Variants in ZNF487 observed in about 807,000 individuals in gnomAD.
ZNF487 encodes the protein zinc finger protein 487, also known as KRAB domain only 1.
ZNF487 carries 4 observed loss-of-function variants against 3.0 expected under a neutral mutation model. The observed-to-expected ratio is 1.35, with a 90% CI of 0.66 to 3.08. The LOEUF is 3.08. Among genes scored for constraint, ZNF487 ranks in the 30% most tolerant of loss-of-function variants. The pLI, the probability that ZNF487 is intolerant of heterozygous loss-of-function variation, is 0.01. For synonymous variants in ZNF487, 55 were observed against 34.6 expected (o/e 1.59, Z -2.06); for missense variants, 146 against 98.7 (o/e 1.48, Z -2.03).
chr10:43,446,632 G>A (rs12355127), intron 1 of ZNF487, among the ~76,000 whole-genome samples: 12,046 of 150,272 alleles, frequency 0.08, 667 homozygotes, highest in Non-Finnish European at 0.12. Flanking sequence ...CATCCTAGAC[G>A]ATGGGCGCCC....
chr10:43,498,148 G>T, the ZNF487 span, among the ~76,000 whole-genome samples: 1 of 56,070 alleles, frequency 1.8e-5, no homozygotes, highest in Non-Finnish European at 3.0e-5. Context: ...TTTTTTTTGA[G>T]ATGGAGTCTC....
chr10:43,463,574 T>TTG (rs1840517159), intron 1 of ZNF487, among the ~76,000 whole-genome samples: 1 of 150,612 alleles, frequency 6.6e-6, no homozygotes, highest in African/African-American at 2.4e-5. Context: ...TGGTGGAAAC[T>TTG]TGGTCTCACT....
At chr10:43,473,735 A>T (rs1195142193) in intron 1 of ZNF487, among the ~76,000 whole-genome samples, 1 of 152,018 alleles carries the variant, frequency 6.6e-6, no homozygotes, top group Non-Finnish European at 1.5e-5. Flanking sequence ...ACTTAAGTAC[A>T]ACAGCCAGGC....
downstream of ZNF487, among the ~76,000 whole-genome samples, chr10:43,485,071 C>T (rs143237154): frequency 3.7e-4 from 56 of 152,284 alleles, no homozygotes; most frequent in Admixed American, 1.2e-3. Context: ...AGCAGCAAGG[C>T]GGGCCAGATT....
intron 1 of ZNF487, among the ~76,000 whole-genome samples, chr10:43,459,594 C>T (rs1022696670): frequency 4.6e-5 from 7 of 151,900 alleles, no homozygotes; most frequent in Admixed American, 1.3e-4. Context: ...ATTTTTAAGT[C>T]AGGTCTCACT....
Position 43,453,498 on chromosome 10 carries a change from A to G in ZNF487, c.-94+16236A>G, listed in dbSNP as rs773206952. 2.0e-5 allele frequency: 3 copies of G among 152,240 alleles called. No individual in the cohort carries two copies. The South Asian group carries it at 6.2e-4, about 31-fold the overall frequency. 9.4% of individuals were successfully genotyped at this position (152,240 alleles called of 1,614,324 possible). A position where few individuals can be genotyped will look rare whatever the true frequency, so the allele number is the denominator to read the frequency against. On this transcript the variant is annotated intron_variant, in intron 1 of 3. Coordinates refer to ENST00000437590, the MANE Select transcript of ZNF487 (RefSeq NM_001355444.3). ...TCCTGGGAACACAGGCTATGCTACT[A>G]GAAGCCATGCCAATTTGTCTCTCAG... is the stretch of plus-strand genomic sequence containing the variant.
Position 43,481,994 on chromosome 10 carries a change from A to G in ZNF487, c.*72A>G. Reference sequence around the variant, plus strand: ...GTTCATCAGAGAACTCACATAAGGAAGAGTCACCATGAATTCAATGAATGT... The same window carrying G: ...GTTCATCAGAGAACTCACATAAGGAGGAGTCACCATGAATTCAATGAATGT... On this transcript the variant is annotated 3_prime_UTR_variant, in exon 4 of 4. Coordinates refer to ENST00000437590, the MANE Select transcript of ZNF487 (RefSeq NM_001355444.3). 2 of 593,792 alleles carry G rather than the reference A, an allele frequency of 3.4e-6. No individual in the cohort carries two copies. Among genetic ancestry groups the G allele is most frequent in the East Asian group, 2.8e-5 (1 of 35,888 alleles). 36.8% of individuals were successfully genotyped at this position (593,792 alleles called of 1,614,324 possible). A position where few individuals can be genotyped will look rare whatever the true frequency, so the allele number is the denominator to read the frequency against.
chr10:43,501,617 G>A, the ZNF487 span, among the ~76,000 whole-genome samples: 1 of 22,372 alleles, frequency 4.5e-5, no homozygotes, highest in African/African-American at 6.8e-5. Flanking sequence ...GCATGCGCCT[G>A]TAGTCCCAGC....
intron 3 of ZNF487, among the ~76,000 whole-genome samples, chr10:43,480,084 C>CT (rs1554800858): frequency 2.9e-5 from 4 of 139,718 alleles, no homozygotes; most frequent in African/African-American, 1.1e-4. Flanking sequence ...TTCCTTCCTT[C>CT]TTTCTTTTCT....
the ZNF487 span, among the ~76,000 whole-genome samples, chr10:43,507,603 A>T: frequency 2.6e-5 from 4 of 152,332 alleles, no homozygotes; most frequent in African/African-American, 9.6e-5. Flanking sequence ...TGCTTTCCCC[A>T]TGCAAAACCC....
downstream of ZNF487, among the ~76,000 whole-genome samples, chr10:43,487,655 T>G (rs985556691): frequency 2.0e-5 from 3 of 151,382 alleles, no homozygotes; most frequent in Non-Finnish European, 4.4e-5. Flanking sequence ...TTTCACTGTG[T>G]TAGCCAGGAT....
chr10:43,493,552 G>T, the ZNF487 span, among the ~76,000 whole-genome samples: 42 of 151,672 alleles, frequency 2.8e-4, no homozygotes, highest in East Asian at 6.4e-3. Flanking sequence ...ATATCCAGGT[G>T]TGGTGATGCA....
intron 1 of ZNF487, among the ~76,000 whole-genome samples, chr10:43,464,947 C>G (rs577632590): frequency 6.6e-6 from 1 of 150,992 alleles, no homozygotes; most frequent in South Asian, 2.1e-4. Context: ...TAGGGGCGGC[C>G]GGGCAGAGGC....
At chr10:43,455,521 G>C (rs548021488) in intron 1 of ZNF487, among the ~76,000 whole-genome samples, 1 of 152,356 alleles carries the variant, frequency 6.6e-6, no homozygotes, top group African/African-American at 2.4e-5. Flanking sequence ...CCACGTCCGG[G>C]TCAACGCCTG....
downstream of ZNF487, among the ~76,000 whole-genome samples, chr10:43,485,102 C>T (rs187744788): frequency 3.9e-5 from 6 of 152,272 alleles, no homozygotes; most frequent in Admixed American, 3.9e-4. Flanking sequence ...TTATTCTTAC[C>T]TCCTCTTTCC....
intron 1 of ZNF487, among the ~76,000 whole-genome samples, chr10:43,464,447 A>G (rs1011829475): frequency 5.9e-5 from 9 of 151,986 alleles, no homozygotes; most frequent in Non-Finnish European, 1.3e-4. Context: ...TCATAGGACA[A>G]TAGTGGAGGG....
chr10:43,490,553 G>A, the ZNF487 span, among the ~76,000 whole-genome samples: 1 of 105,246 alleles, frequency 9.5e-6, no homozygotes, highest in African/African-American at 3.5e-5. Flanking sequence ...CTTGTTGCAC[G>A]GGCTGGAGTG....
downstream of ZNF487, among the ~76,000 whole-genome samples, chr10:43,484,702 T>TA (rs1420448889): frequency 2.6e-5 from 4 of 152,156 alleles, no homozygotes; most frequent in Non-Finnish European, 4.4e-5. Context: ...AACAAATATT[T>TA]AAAAAAATCT....
chr10:43,451,591 G>A (rs1388305680), intron 1 of ZNF487, among the ~76,000 whole-genome samples: 9 of 151,056 alleles, frequency 6.0e-5, no homozygotes, highest in Non-Finnish European at 1.3e-4. Context: ...TTGAGATGGA[G>A]TTTTGCTCTT....
Sources: allele counts gnomAD v4.1 joint callset (sites outside exome capture counted in the v4.1 genomes callset), GRCh38; gene constraint gnomAD v4.1.1; transcripts MANE v1.5; gene names NCBI Gene and HGNC (gene_info 2026-07-23, HGNC 2026-07-21).